RGPD4: variants seen among roughly 807,000 people sequenced by gnomAD.
The protein encoded by RGPD4 is ranBP2-like and GRIP domain-containing protein 4.
Under a neutral mutation model 141.1 loss-of-function variants are expected in RGPD4, and 84 were observed. The observed-to-expected ratio is 0.60, with a 90% CI of 0.50 to 0.71. RGPD4 has a LOEUF of 0.71. RGPD4 is among the 30% of genes least tolerant of loss of function. The pLI is 0.00. For synonymous variants in RGPD4, 298 were observed against 566.8 expected, an observed-to-expected ratio of 0.53 and a Z score of 6.74; for missense variants, 918 against 1,622.4, an observed-to-expected ratio of 0.57 and a Z score of 7.46.
chr2:107,844,314 T>C (rs1201176194), intron 6 of RGPD4, among the ~76,000 whole-genome samples: 93 of 151,860 alleles, frequency 6.1e-4, no homozygotes, highest in African/African-American at 2.1e-3. Context: ...GCAGGGGTTG[T>C]TGATTAGAAC....
chr2:107,833,139 G>A (rs1423017461), intron 1 of RGPD4, among the ~76,000 whole-genome samples: 1 of 148,662 alleles, frequency 6.7e-6, no homozygotes, highest in Non-Finnish European at 1.5e-5. Flanking sequence ...TGATCAGATG[G>A]GTTTGTTGAG....
chr2:107,827,999 C>T (rs575895742), intron 1 of RGPD4, among the ~76,000 whole-genome samples: 1 of 55,852 alleles, frequency 1.8e-5, no homozygotes, highest in South Asian at 8.8e-4. Context: ...AGGCGGCGGC[C>T]TCGACCCGGC....
At position 107,882,742 on chromosome 2, in the gene RGPD4, A is replaced by C. The variant is rs1675403005; in HGVS notation, c.5135A>C (p.His1712Pro). The C allele has an allele frequency of 1.9e-6, 3 of 1,611,546 alleles. No homozygotes were observed. The highest frequency in any genetic ancestry group is 2.7e-5 in the African/African-American group (2 of 74,514). Residue 1712 changes from histidine (H) to proline (P), a missense_variant, in exon 22 of 23, where the codon CAC (histidine) becomes CCC (proline). Physicochemically the swap from His to Pro is moderately conservative, Grantham distance 77 (BLOSUM62 -2). Transcript: ENST00000408999. Reference protein sequence around the residue: ...EQEESAANVEHLKNVLLQFIF... With the variant: ...EQEESAANVEPLKNVLLQFIF... ...GAGGAGTCTGCAGCTAACGTGGAAC[A>C]CTTGAAGAACGTCTTGCTGCAGTTC...
At chr2:107,881,048 T>C (rs1362599278) in intron 21 of RGPD4, among the ~76,000 whole-genome samples, 1 of 151,394 alleles carries the variant, frequency 6.6e-6, no homozygotes, top group African/African-American at 2.4e-5. Flanking sequence ...TTCAAACTCA[T>C]AGCTGTCTGA....
At chr2:107,857,513 G>A (rs1007456256) in intron 9 of RGPD4, among the ~76,000 whole-genome samples, 2 of 150,748 alleles carry the variant, frequency 1.3e-5, no homozygotes, top group African/African-American at 4.9e-5. Flanking sequence ...GGTCACTGCT[G>A]CCTTGAACTT....
intron 6 of RGPD4, among the ~76,000 whole-genome samples, chr2:107,844,565 A>G (rs1437327578): frequency 8.7e-5 from 13 of 150,108 alleles, no homozygotes; most frequent in Non-Finnish European, 7.4e-5. Context: ...CCCATCTGGT[A>G]TAAGGAAAGA....
At chr2:107,844,839 T>TTG (rs1681864854) in intron 6 of RGPD4, among the ~76,000 whole-genome samples, 3 of 94,384 alleles carry the variant, frequency 3.2e-5, no homozygotes, top group African/African-American at 1.3e-4. Flanking sequence ...TGTTTTTTTT[T>TTG]TTTTTTTTTT....
At chr2:107,861,879 A>T in intron 15 of RGPD4, 139 bp downstream of exon 15, 1 of 1,114,490 alleles carries the variant, frequency 9.0e-7, no homozygotes, top group Non-Finnish European at 1.3e-6. Flanking sequence ...GTGTGTGTCT[A>T]AATGCTTAGA....
intron 21 of RGPD4, among the ~76,000 whole-genome samples, chr2:107,880,666 T>C (rs1675335912): frequency 6.7e-6 from 1 of 149,824 alleles, no homozygotes; most frequent in Non-Finnish European, 1.5e-5. Context: ...TCACAAATCA[T>C]TGTTCACATA....
At chr2:107,849,516 G>T (rs1464636125) in intron 7 of RGPD4, among the ~76,000 whole-genome samples, 313 of 66,240 alleles carry the variant, frequency 4.7e-3, no homozygotes, top group African/African-American at 0.019. Flanking sequence ...ACAGGCACCC[G>T]CCACCACACC....
At chr2:107,857,230 CG>C (rs1205726566) in intron 9 of RGPD4, among the ~76,000 whole-genome samples, 2 of 151,136 alleles carry the variant, frequency 1.3e-5, no homozygotes, top group African/African-American at 2.5e-5. Context: ...CTCTGCCTCC[CG>C]GGTTCAAGTG....
chr2:107,866,930 T>C (rs1682747144), intron 18 of RGPD4, among the ~76,000 whole-genome samples: 1 of 149,786 alleles, frequency 6.7e-6, no homozygotes, highest in South Asian at 2.2e-4. Flanking sequence ...TATTAGAGTA[T>C]ACAGTAAACA....
In RGPD4 at chr2:107,836,821, G is replaced by A. The variant is rs1336667703; in HGVS notation, c.140+152G>A. On this transcript the variant is annotated intron_variant, in intron 2 of 22. Transcript: ENST00000408999. ...TCACTCAGACTGATGCTAAGGACCAGCCTAGATTCCATTGAGATTGAAACT... is the reference window on the plus strand; with the variant it reads ...TCACTCAGACTGATGCTAAGGACCAACCTAGATTCCATTGAGATTGAAACT... Among the ~76,000 whole-genome samples, 2 of 75,896 alleles carry A rather than the reference G, an allele frequency of 2.6e-5. 1 individual carries two copies. Among genetic ancestry groups the A allele is most frequent in the Non-Finnish European group, 5.9e-5 (2 of 33,790 alleles). 49.8% of individuals were successfully genotyped at this position (75,896 alleles called of 152,430 possible).
intron 7 of RGPD4, among the ~76,000 whole-genome samples, chr2:107,853,916 T>TA (rs1333714003): frequency 8.9e-5 from 9 of 101,492 alleles, no homozygotes; most frequent in South Asian, 8.3e-4. Flanking sequence ...CCTGGCTAAT[T>TA]AAAAAAAACT....
chr2:107,872,019 G>T lies in RGPD4; in HGVS notation c.4015G>T (p.Val1339Phe), dbSNP rs201001022. Residue 1339 changes from valine to phenylalanine, a missense_variant, in exon 20 of 23, where the codon GTT (valine) becomes TTT (phenylalanine). Val to Phe is a conservative substitution (Grantham distance 50, BLOSUM62 -1). Coordinates refer to ENST00000408999, the MANE Select transcript of RGPD4 (RefSeq NM_182588.3). Reference sequence around the variant, plus strand: ...AGATGGACAGTACTTTGAACCTGTTGTTCCTTTACCTGATCTAGTTGAAGT... The same window carrying T: ...AGATGGACAGTACTTTGAACCTGTTTTTCCTTTACCTGATCTAGTTGAAGT... Reference protein sequence around the residue: ...ERDGQYFEPVVPLPDLVEVSS... With the variant: ...ERDGQYFEPVFPLPDLVEVSS... The T allele has an allele frequency of 4.9e-3, 7,838 of 1,611,364 alleles. 37 individuals are homozygous for T. Among genetic ancestry groups the T allele is most frequent in the Admixed American group, 8.4e-3 (504 of 59,954 alleles).
At position 107,880,099 on chromosome 2, in the gene RGPD4, C is replaced by A; in HGVS notation, c.5056C>A (p.Gln1686Lys). ...AEATSAVLME[Q>K]IKLLKSEIRR... Reference sequence around the variant, plus strand: ...GGCAACCAGTGCAGTCCTTATGGAGCAAATTAAGGTGAGATCAGAAAACCT... The same window carrying A: ...GGCAACCAGTGCAGTCCTTATGGAGAAAATTAAGGTGAGATCAGAAAACCT... The change falls in exon 21 of 23, where the codon CAA becomes AAA. Residue 1686 changes from glutamine to lysine, a missense_variant. Transcript: ENST00000408999. 1 of 1,611,328 alleles carries A rather than the reference C, an allele frequency of 6.2e-7. No homozygotes were observed. Among genetic ancestry groups the A allele is most frequent in the Non-Finnish European group, 8.5e-7 (1 of 1,179,834 alleles).
chr2:107,890,872 T>C lies in RGPD4; in HGVS notation c.*141T>C. On this transcript the variant is annotated 3_prime_UTR_variant, in exon 23 of 23. Coordinates refer to ENST00000408999, the MANE Select transcript of RGPD4 (RefSeq NM_182588.3). ...CATGTGTATTACCATCATTCTTTTG[T>C]CAAAAAGTGTGTATATGTTTGCATT... 1.2e-6 allele frequency: 1 copy of C among 837,212 alleles called. No homozygotes were observed. Among genetic ancestry groups the C allele is most frequent in the Non-Finnish European group, 1.9e-6 (1 of 527,352 alleles). 51.9% of individuals were successfully genotyped at this position (837,212 alleles called of 1,614,324 possible). A position where few individuals can be genotyped will look rare whatever the true frequency, so the allele number is the denominator to read the frequency against.
Position 107,836,591 on chromosome 2 carries a change from A to AT in RGPD4, c.73-3dup. 1.8e-5 allele frequency: 28 copies of AT among 1,516,590 alleles called. No homozygotes were observed. Among genetic ancestry groups the AT allele is most frequent in the Admixed American group, 3.7e-5 (2 of 53,454 alleles). The allele number at this position is 1,516,590 out of a possible 1,614,324, so 93.9% of individuals were successfully genotyped here. On this transcript the variant is annotated splice_polypyrimidine_tract_variant and intron_variant, in intron 1 of 22. Coordinates refer to ENST00000408999, the MANE Select transcript of RGPD4 (RefSeq NM_182588.3). Reference sequence around the variant, plus strand: ...TGTATGAAATGTAAAACAACTTTTAATTTTTTTTAGAAGTCAACGAGAGGA... The same window carrying AT: ...TGTATGAAATGTAAAACAACTTTTAATTTTTTTTTAGAAGTCAACGAGAGGA...
intron 1 of RGPD4, among the ~76,000 whole-genome samples, chr2:107,834,311 CCTT>C (rs1681596112): frequency 6.7e-6 from 1 of 149,336 alleles, no homozygotes; most frequent in Non-Finnish European, 1.5e-5. Context: ...TACAGTAGTC[CCTT>C]CTTATCCACA....
Sources: gnomAD v4.1 joint callset for allele counts (sites outside exome capture counted in the v4.1 genomes callset) on GRCh38, gnomAD v4.1.1 for gene constraint, MANE v1.5 for transcripts, NCBI Gene and HGNC (gene_info 2026-07-23, HGNC 2026-07-21) for gene names.